CMTM4: variants seen among roughly 807,000 people sequenced by gnomAD.
CMTM4 encodes CKLF-like MARVEL transmembrane domain-containing protein 4.
A neutral mutation model predicts 19.0 loss-of-function variants in CMTM4; 8 were observed. The ratio of observed to expected loss-of-function variants is 0.42; its 90% confidence interval spans 0.25 to 0.76. The LOEUF (loss-of-function observed/expected upper bound fraction) is 0.76. CMTM4 is among the 30% of genes least tolerant of loss of function. The pLI is 0.27. For synonymous variants in CMTM4, 106 were observed against 121.1 expected, an observed-to-expected ratio of 0.88 and a Z score of 0.82; for missense variants, 228 against 290.2, an observed-to-expected ratio of 0.79 and a Z score of 1.56.
Position 66,654,634 on chromosome 16 carries a change from G to A in CMTM4, c.187-18053C>T, listed in dbSNP as rs117759103. Among the ~76,000 whole-genome samples, 369 of 152,282 alleles carry A rather than the reference G, an allele frequency of 2.4e-3. 1 individual carries two copies. The East Asian group carries it at 0.036, about 15-fold the overall frequency. On this transcript the variant is annotated intron_variant, in intron 1 of 3. Coordinates refer to ENST00000394106, the MANE Select transcript of CMTM4 (RefSeq NM_181521.3). ...GCCCGTCGCACAGTAGTTAAGGAGT[G>A]GGGCTCTGGAGGCTCACGGCCCTGG...
chr16:66,667,055 C>A (rs242170), intron 1 of CMTM4, among the ~76,000 whole-genome samples: 7,422 of 152,236 alleles, frequency 0.049, 285 homozygotes, highest in Admixed American at 0.11. Context: ...CCGGGCACAG[C>A]GGCTTACGCC....
At position 66,621,659 on chromosome 16, in the gene CMTM4, G is replaced by A; in HGVS notation, c.*399C>T. ...GAGCAGGTGGTGCCTAAGGCTGCCTGAGAACCACTGCCGACTGACCGTTCC... is the reference window on the plus strand; with the variant it reads ...GAGCAGGTGGTGCCTAAGGCTGCCTAAGAACCACTGCCGACTGACCGTTCC... On this transcript the variant is annotated 3_prime_UTR_variant, in exon 4 of 4. Transcript: ENST00000394106. The A allele has an allele frequency of 2.0e-6, 2 of 1,015,242 alleles. No homozygotes were observed. The highest frequency in any genetic ancestry group is 4.1e-5 in the South Asian group (1 of 24,294). The allele number at this position is 1,015,242 out of a possible 1,614,324, so 62.9% of individuals were successfully genotyped here. A position where few individuals can be genotyped will look rare whatever the true frequency, so the allele number is the denominator to read the frequency against.
chr16:66,617,243 A>G lies in CMTM4; in HGVS notation c.*4815T>C. The G allele has an allele frequency of 6.2e-7, 1 of 1,602,308 alleles. No homozygotes were observed. Among genetic ancestry groups the G allele is most frequent in the South Asian group, 1.1e-5 (1 of 89,130 alleles). On this transcript the variant is annotated 3_prime_UTR_variant, in exon 4 of 4. Coordinates refer to ENST00000394106, the MANE Select transcript of CMTM4 (RefSeq NM_181521.3). ...ACAACAAACTTACCCTATGAAATAG[A>G]TACACAGTTCAAGGACCCATCATCT...
intron 1 of CMTM4, among the ~76,000 whole-genome samples, chr16:66,679,772 T>G (rs1422698258): frequency 6.8e-6 from 1 of 146,180 alleles, no homozygotes; most frequent in Non-Finnish European, 1.5e-5. Flanking sequence ...TTCAGTGAAC[T>G]GAGATCACAC....
intron 1 of CMTM4, among the ~76,000 whole-genome samples, chr16:66,663,933 T>C (rs1444594434): frequency 6.6e-6 from 1 of 152,126 alleles, no homozygotes; most frequent in African/African-American, 2.4e-5. Flanking sequence ...TGGATTATTT[T>C]ATATAAAGCT....
At chr16:66,634,266 C>G (rs2015944981) in intron 2 of CMTM4, among the ~76,000 whole-genome samples, 2 of 151,776 alleles carry the variant, frequency 1.3e-5, no homozygotes, top group South Asian at 2.1e-4. Flanking sequence ...ATGGTGAAAC[C>G]CCATCTCTAC....
At chr16:66,660,875 T>A (rs1360354735) in intron 1 of CMTM4, among the ~76,000 whole-genome samples, 2 of 152,188 alleles carry the variant, frequency 1.3e-5, no homozygotes, top group Non-Finnish European at 2.9e-5. Flanking sequence ...TCCTGCTCGC[T>A]GTGCTAAGTG....
downstream of CMTM4, among the ~76,000 whole-genome samples, chr16:66,611,427 C>A (rs145128932): frequency 2.0e-5 from 3 of 151,500 alleles, no homozygotes; most frequent in South Asian, 6.3e-4. Flanking sequence ...CCAGCCTGGG[C>A]GACAGAGTGA....
chr16:66,629,492 G>A (rs1347208875), intron 2 of CMTM4, among the ~76,000 whole-genome samples: 1 of 152,150 alleles, frequency 6.6e-6, no homozygotes, highest in East Asian at 1.9e-4. Flanking sequence ...TGAGGAAACT[G>A]GGTCCCAGAA....
At chr16:66,612,948 C>A, downstream of CMTM4, 1 of 663,410 alleles carries the variant, frequency 1.5e-6, no homozygotes, top group South Asian at 1.6e-5. The surrounding 1 kb of genome is among the most constrained non-coding windows in gnomAD (Gnocchi z 6.0). Flanking sequence ...CAAAGCAGAG[C>A]CTTGTCTGTA....
At chr16:66,608,575 C>T in the CMTM4 span, 1 of 1,123,546 alleles carries the variant, frequency 8.9e-7, no homozygotes, top group Non-Finnish European at 1.3e-6. This position sits in a 1 kb window ranked among gnomAD's most constrained non-coding sequence, Gnocchi z 5.1. Flanking sequence ...CTGGAGTTTG[C>T]AGTTGGTTAG....
At chr16:66,659,136 T>G (rs1018470591) in intron 1 of CMTM4, among the ~76,000 whole-genome samples, 1 of 151,966 alleles carries the variant, frequency 6.6e-6, no homozygotes, top group Non-Finnish European at 1.5e-5. Context: ...TCCCAGCACT[T>G]TGGGAAGCTG....
At chr16:66,657,546 C>A (rs2016421162) in intron 1 of CMTM4, among the ~76,000 whole-genome samples, 1 of 152,072 alleles carries the variant, frequency 6.6e-6, no homozygotes, top group African/African-American at 2.4e-5. Flanking sequence ...TATATAAACA[C>A]ACAGAGAGAG....
chr16:66,598,366 C>A, the CMTM4 span, among the ~76,000 whole-genome samples: 1 of 151,938 alleles, frequency 6.6e-6, no homozygotes, highest in Non-Finnish European at 1.5e-5. Flanking sequence ...AGGCACCCAC[C>A]CACTTCTCCT....
intron 1 of CMTM4, among the ~76,000 whole-genome samples, chr16:66,638,152 C>T (rs908286609): frequency 1.8e-4 from 27 of 152,182 alleles, no homozygotes; most frequent in Non-Finnish European, 3.4e-4. Flanking sequence ...AAAGCTGGTT[C>T]ATCTGTGATT....
At chr16:66,598,918 T>C in the CMTM4 span, among the ~76,000 whole-genome samples, 1 of 151,922 alleles carries the variant, frequency 6.6e-6, no homozygotes, top group African/African-American at 2.4e-5. Flanking sequence ...AAGGATCCTT[T>C]AAACCCAACA....
chr16:66,653,802 C>T (rs561194583), intron 1 of CMTM4, among the ~76,000 whole-genome samples: 7 of 152,266 alleles, frequency 4.6e-5, no homozygotes, highest in African/African-American at 1.7e-4. Context: ...TGAGCAATCT[C>T]GGCTCACTGC....
chr16:66,609,815 G>A, downstream of CMTM4: 1 of 1,614,126 alleles, frequency 6.2e-7, no homozygotes, highest in South Asian at 1.1e-5. This position sits in a 1 kb window ranked among gnomAD's most constrained non-coding sequence, Gnocchi z 4.4. Flanking sequence ...TGGGCCGTGA[G>A]GCTGGGGCAG....
At chr16:66,635,596 C>A (rs1039619191) in intron 2 of CMTM4, among the ~76,000 whole-genome samples, 2 of 152,182 alleles carry the variant, frequency 1.3e-5, no homozygotes, top group African/African-American at 4.8e-5. Flanking sequence ...TGGTCTGAGG[C>A]GCTCTCCTCC....
Sources: gnomAD v4.1 joint callset for allele counts (sites outside exome capture counted in the v4.1 genomes callset) on GRCh38, gnomAD v4.1.1 for gene constraint, Gnocchi (gnomAD v3.1) non-coding constraint, MANE v1.5 for transcripts, NCBI Gene and HGNC (gene_info 2026-07-23, HGNC 2026-07-21) for gene names.